INTS7: variants seen among roughly 807,000 people sequenced by gnomAD.
INTS7 encodes chromosome 1 open reading frame 73.
Under a neutral mutation model 109.2 loss-of-function variants are expected in INTS7, and 46 were observed. The ratio of observed to expected loss-of-function variants is 0.42; its 90% CI spans 0.33 to 0.54. INTS7 has a LOEUF of 0.54. INTS7 is among the 20% of genes least tolerant of loss of function. The pLI is 0.07. For missense variants in INTS7, 929 were observed against 1,132.4 expected (o/e 0.82, Z 2.58); for synonymous variants, 412 against 402.9 (o/e 1.02, Z -0.27).
At chr1:211,984,396 T>C (rs1317216982) in intron 8 of INTS7, among the ~76,000 whole-genome samples, 1 of 152,106 alleles carries the variant, frequency 6.6e-6, no homozygotes, top group Non-Finnish European at 1.5e-5. Context: ...ACAAAAATCA[T>C]ACCAAATTTC....
chr1:212,023,833 G>T (rs1435145883), intron 1 of INTS7, among the ~76,000 whole-genome samples: 1 of 152,042 alleles, frequency 6.6e-6, no homozygotes, highest in African/African-American at 2.4e-5. Flanking sequence ...TTTTCTTCTA[G>T]GATTCTTAGA....
At chr1:211,944,719 G>A (rs1662777863) in intron 19 of INTS7, 65 bp downstream of exon 19, 13 of 1,335,660 alleles carry the variant, frequency 9.7e-6, no homozygotes, top group Middle Eastern at 1.8e-4. Flanking sequence ...GAAAAACACT[G>A]GAAAACTTCC....
intron 17 of INTS7, among the ~76,000 whole-genome samples, chr1:211,951,574 G>A (rs1487541672): frequency 6.6e-6 from 1 of 152,174 alleles, no homozygotes; most frequent in East Asian, 1.9e-4. Flanking sequence ...CCAAAGTGCT[G>A]AGATTACAGG....
At position 212,035,498 on chromosome 1, in the gene INTS7, C is replaced by G; in HGVS notation, c.-61G>C. The G allele has an allele frequency of 8.3e-7, 1 of 1,208,150 alleles. No homozygotes were observed. Among genetic ancestry groups the G allele is most frequent in the Non-Finnish European group, 1.2e-6 (1 of 811,340 alleles). The allele number at this position is 1,208,150 out of a possible 1,614,324, so 74.8% of individuals were successfully genotyped here. A position where few individuals can be genotyped will look rare whatever the true frequency, so the allele number is the denominator to read the frequency against. On this transcript the variant is annotated 5_prime_UTR_variant, in exon 1 of 20. Coordinates refer to ENST00000366994, the MANE Select transcript of INTS7 (RefSeq NM_015434.4). Reference sequence around the variant, plus strand: ...GCTTGCAAACTCTACCCCAGGACCGCCATCTTCCCCCGCCGCCTTCTTGCT... The same window carrying G: ...GCTTGCAAACTCTACCCCAGGACCGGCATCTTCCCCCGCCGCCTTCTTGCT...
intron 3 of INTS7, among the ~76,000 whole-genome samples, chr1:212,018,655 A>C (rs1186572360): frequency 6.6e-6 from 1 of 152,138 alleles, no homozygotes; most frequent in East Asian, 1.9e-4. Flanking sequence ...CTGAGCCTAT[A>C]TAAACATATA....
intron 5 of INTS7, among the ~76,000 whole-genome samples, chr1:212,010,191 C>T (rs1457049444): frequency 6.6e-6 from 1 of 152,148 alleles, no homozygotes; most frequent in South Asian, 2.1e-4. Flanking sequence ...TTGCACAATT[C>T]AAAGGAATGC....
chr1:212,021,252 G>C (rs1189713361), intron 1 of INTS7, 40 bp from the exon 2 acceptor site: 1 of 1,556,328 alleles, frequency 6.4e-7, no homozygotes. Context: ...AGAACAGTTT[G>C]CATATTTGTG....
Position 211,959,481 on chromosome 1 carries a change from C to T in INTS7, c.2184-6780G>A, listed in dbSNP as rs1196787557. The stretch of plus-strand genomic sequence containing the variant: ...AGCGGCCCAGCATGTGGACATGGGC[C>T]GGCTCACCTGCTCCCTCCCCGTACT... On this transcript the variant is annotated intron_variant, in intron 16 of 19. Transcript: ENST00000366994. The surrounding 1 kb of genome is among the most constrained non-coding windows in gnomAD (Gnocchi z 4.2). 6.6e-6 allele frequency among the ~76,000 whole-genome samples: 1 copy of T among 152,118 alleles called. No homozygotes were observed. The highest frequency in any genetic ancestry group is 2.4e-5 in the African/African-American group (1 of 41,408).
In INTS7 at chr1:211,982,763, G is replaced by T; in HGVS notation, c.1045C>A (p.Gln349Lys). ...CTGTTATTATGGTAACAGCACTCTT[G>T]GGCTAATTTGACTAAATCAGAAGAT... ...PRSSDLVKLAQECCYHNNRGI... is the reference protein window; with the variant it reads ...PRSSDLVKLAKECCYHNNRGI... The change falls in exon 9 of 20, where the codon CAA (glutamine) becomes AAA (lysine). Residue 349 changes from glutamine to lysine, a missense_variant. Around this residue, in one of 2 missense-constraint regions of INTS7, gnomAD observed 787 missense variants for 901.1 expected, o/e 0.87. Transcript: ENST00000366994. 6.2e-7 allele frequency: 1 copy of T among 1,610,646 alleles called. No homozygotes were observed.
At chr1:211,976,251 TGTG>T (rs1389309841) in intron 12 of INTS7, among the ~76,000 whole-genome samples, 2 of 152,140 alleles carry the variant, frequency 1.3e-5, no homozygotes, top group African/African-American at 4.8e-5. Context: ...GGAACAAAGA[TGTG>T]GTATACTGAG....
At chr1:212,001,966 C>A (rs1007142847) in intron 7 of INTS7, among the ~76,000 whole-genome samples, 2 of 152,204 alleles carry the variant, frequency 1.3e-5, no homozygotes, top group South Asian at 4.1e-4. Flanking sequence ...ATATTTATAA[C>A]CTCAGCTGGA....
intron 1 of INTS7, among the ~76,000 whole-genome samples, chr1:212,021,875 T>C (rs1666726050): frequency 6.6e-6 from 1 of 151,420 alleles, no homozygotes; most frequent in Non-Finnish European, 1.5e-5. Flanking sequence ...AACAAATAAA[T>C]AAATAACCCA....
intron 17 of INTS7, among the ~76,000 whole-genome samples, chr1:211,950,527 C>T (rs1663039624): frequency 6.6e-6 from 1 of 152,206 alleles, no homozygotes; most frequent in East Asian, 1.9e-4. Flanking sequence ...CCACCTTGGC[C>T]TCCCAAAGTG....
chr1:212,004,548 T>C (rs541700459), intron 7 of INTS7, among the ~76,000 whole-genome samples: 2 of 152,180 alleles, frequency 1.3e-5, no homozygotes, highest in Non-Finnish European at 2.9e-5. Flanking sequence ...TGGAAAGATA[T>C]AACATGTTCA....
At chr1:212,000,184 A>T (rs994804622) in intron 7 of INTS7, among the ~76,000 whole-genome samples, 3 of 152,206 alleles carry the variant, frequency 2.0e-5, no homozygotes, top group Non-Finnish European at 4.4e-5. Flanking sequence ...AAAAATTTTT[A>T]AATCAAAGCT....
intron 1 of INTS7, among the ~76,000 whole-genome samples, chr1:212,023,759 T>C (rs1211848644): frequency 6.6e-6 from 1 of 152,236 alleles, no homozygotes; most frequent in Non-Finnish European, 1.5e-5. Flanking sequence ...GTCCCACTTG[T>C]CCATTTTTGG....
chr1:212,034,889 T>C (rs142653697), intron 1 of INTS7, among the ~76,000 whole-genome samples: 1 of 152,348 alleles, frequency 6.6e-6, no homozygotes, highest in Non-Finnish European at 1.5e-5. Context: ...TGGCCAGGTT[T>C]AGCCTGCCTT....
rs541972965 is a variant in INTS7 at position 212,003,381 on chromosome 1, A to C, written c.879+3258T>G. ...GCAATAAAGAAAACCAGTAGACAGC[A>C]GAATGGTATCCTCAATGCCCTGGGA... On this transcript the variant is annotated intron_variant, in intron 7 of 19. Coordinates refer to ENST00000366994, the MANE Select transcript of INTS7 (RefSeq NM_015434.4). Among the ~76,000 whole-genome samples the C allele has an allele frequency of 1.4e-4, 21 of 152,068 alleles. 1 individual carries two copies. Among genetic ancestry groups the C allele is most frequent in the African/African-American group, 5.1e-4 (21 of 41,536 alleles).
chr1:212,035,243 A>G, intron 1 of INTS7, 101 bp downstream of exon 1: 1 of 797,168 alleles, frequency 1.3e-6, no homozygotes, highest in Admixed American at 2.0e-5. Context: ...CAGCGAAGAC[A>G]TGCGCATGCG....
Sources: gnomAD v4.1 joint callset for allele counts (sites outside exome capture counted in the v4.1 genomes callset) on GRCh38, gnomAD v4.1.1 for gene constraint, gnomAD v4.1.1 regional missense constraint, Gnocchi (gnomAD v3.1) non-coding constraint, MANE v1.5 for transcripts, NCBI Gene and HGNC (gene_info 2026-07-23, HGNC 2026-07-21) for gene names.